GCNT2: variants seen among roughly 807,000 people sequenced by gnomAD.
GCNT2 encodes the protein N-acetyllactosaminide beta-1,6-N-acetylglucosaminyl-transferase.
In GCNT2, 34 loss-of-function variants were observed where a neutral mutation model predicts 34.2. That is an observed-to-expected ratio of 1.00 (90% CI 0.76 to 1.32). The LOEUF (loss-of-function observed/expected upper bound fraction) is 1.32, where lower values mean the gene tolerates loss of function less well. GCNT2 is among the 40% of genes most tolerant of loss of function. The probability of loss-of-function intolerance (pLI) is 0.00; values close to 1 mark genes in which losing one functional copy is unlikely to be tolerated. For synonymous variants in GCNT2, 212 were observed against 188.0 expected, an observed-to-expected ratio of 1.13 and a Z score of -1.04; for missense variants, 584 against 489.4, an observed-to-expected ratio of 1.19 and a Z score of -1.82.
In GCNT2 at chr6:10,532,473, A is replaced by G. The variant is rs554427547; in HGVS notation, c.925+2637A>G. Among the ~76,000 whole-genome samples the G allele has an allele frequency of 2.0e-5, 3 of 152,182 alleles. No individual in the cohort carries two copies. In the East Asian group the frequency reaches 5.8e-4, roughly 29 times the overall value. On this transcript the variant is annotated intron_variant, in intron 3 of 4. Coordinates refer to ENST00000495262, the MANE Select transcript of GCNT2 (RefSeq NM_145649.5). ...TTTTTTGGATCTCACTCTGTCATCC[A>G]GGCTGGAGTGCAGTGGCACAATCAC...
intron 2 of GCNT2, among the ~76,000 whole-genome samples, 162 bp downstream of exon 2, chr6:10,527,822 T>G (rs1439893745): frequency 1.3e-5 from 2 of 152,144 alleles, no homozygotes; most frequent in African/African-American, 4.8e-5. Flanking sequence ...GTTATCTCAT[T>G]TTATTCTCAC....
At position 10,556,366 on chromosome 6, in the gene GCNT2, T is replaced by A. The variant is rs1265957389; in HGVS notation, c.925+26530T>A. 1.9e-6 allele frequency: 3 copies of A among 1,609,648 alleles called. 1 individual carries two copies. In the African/African-American group the frequency reaches 4.0e-5, roughly 22 times the overall value. On this transcript the variant is annotated intron_variant, in intron 3 of 4. Transcript: ENST00000495262. ...TAAGAACTCAGAGAAACGAGTGAGT[T>A]TGGAAAAAAGACTTACAGATTTTGA...
intron 3 of GCNT2, chr6:10,530,240 C>G (rs990044625): frequency 5.5e-6 from 1 of 182,268 alleles, no homozygotes; most frequent in Non-Finnish European, 1.2e-5. Context: ...TGGTGCATGC[C>G]TGCAATCCCA....
chr6:10,605,470 A>G (rs1382614844), intron 3 of GCNT2, among the ~76,000 whole-genome samples: 1 of 151,564 alleles, frequency 6.6e-6, no homozygotes, highest in Non-Finnish European at 1.5e-5. Context: ...TTGGCCTCCC[A>G]AAGTGCTGGG....
At chr6:10,597,701 A>G (rs557358868) in intron 3 of GCNT2, among the ~76,000 whole-genome samples, 7 of 151,646 alleles carry the variant, frequency 4.6e-5, no homozygotes, top group East Asian at 1.9e-4. Context: ...GGCTCAAGCA[A>G]TCCTCTCACC....
At chr6:10,611,334 CTTT>C (rs200808872) in intron 3 of GCNT2, among the ~76,000 whole-genome samples, 12 of 136,438 alleles carry the variant, frequency 8.8e-5, no homozygotes, top group African/African-American at 1.3e-4. Context: ...TTCTTTCTTT[CTTT>C]TTTTTTTTTT....
intron 3 of GCNT2, chr6:10,573,368 G>C (rs971632123): frequency 2.3e-5 from 11 of 479,938 alleles, no homozygotes; most frequent in Non-Finnish European, 2.9e-5. Flanking sequence ...TGTTATCTTT[G>C]CTTGGGCATT....
In GCNT2 at chr6:10,529,791, T is replaced by TA. The variant is rs1400905925; in HGVS notation, c.881dup (p.Tyr294Ter). The TA allele has an allele frequency of 6.2e-7, 1 of 1,614,172 alleles. No individual in the cohort carries two copies. Among genetic ancestry groups the TA allele is most frequent in the Non-Finnish European group, 8.5e-7 (1 of 1,179,994 alleles). Residue 294 changes from tyrosine to a stop codon, truncating the protein, a stop_gained and frameshift_variant, in exon 3 of 5, where the codon TAC (tyrosine) becomes TAAC (stop). Transcript: ENST00000495262. LOFTEE classifies it high-confidence loss of function. ...LDLLSWSKDT[Y>*]SPDEHFWVTL... ...CTTACTCTCCTGGTCCAAGGACACCTACAGCCCCGACGAACATTTCTGGGT... is the reference window on the plus strand; with the variant it reads ...CTTACTCTCCTGGTCCAAGGACACCTAACAGCCCCGACGAACATTTCTGGGT...
intron 3 of GCNT2, chr6:10,556,089 C>T (rs1317278024): frequency 2.5e-6 from 3 of 1,209,350 alleles, no homozygotes; most frequent in Admixed American, 4.2e-5. Context: ...GAAACTAAAT[C>T]TGCCGGGGGA....
chr6:10,526,245 A>G (rs895210851), intron 1 of GCNT2, among the ~76,000 whole-genome samples: 5 of 152,220 alleles, frequency 3.3e-5, no homozygotes, highest in East Asian at 1.9e-4. Context: ...TGGGGGCCCT[A>G]TAGGCACAAC....
intron 3 of GCNT2, among the ~76,000 whole-genome samples, chr6:10,601,236 T>C (rs1765076259): frequency 6.6e-6 from 1 of 152,186 alleles, no homozygotes; most frequent in Admixed American, 6.5e-5. Context: ...GTAATATTAT[T>C]CATTTGGGGC....
chr6:10,524,251 CTTTTT>C (rs77144347), intron 1 of GCNT2, among the ~76,000 whole-genome samples: 7 of 131,596 alleles, frequency 5.3e-5, no homozygotes, highest in South Asian at 2.5e-4. Flanking sequence ...TAATCCAGGG[CTTTTT>C]TTTTTTTTTT....
intron 3 of GCNT2, among the ~76,000 whole-genome samples, chr6:10,604,177 G>A (rs966276964): frequency 1.2e-4 from 19 of 152,162 alleles, no homozygotes; most frequent in African/African-American, 4.6e-4. Flanking sequence ...GATTACAGAC[G>A]TGAGCCACCG....
chr6:10,604,875 AAAAG>A (rs150267198), intron 3 of GCNT2, among the ~76,000 whole-genome samples: 5 of 87,524 alleles, frequency 5.7e-5, no homozygotes, highest in East Asian at 9.9e-4. Context: ...AAGAAAAAGA[AAAAG>A]AAAGAAAAAT....
At chr6:10,530,063 C>G in intron 3 of GCNT2, 1 of 510,912 alleles carries the variant, frequency 2.0e-6, no homozygotes, top group Non-Finnish European at 3.5e-6. Flanking sequence ...GAACACTGGC[C>G]ATATAAATAA....
rs1000994518 is a variant in GCNT2 at position 10,626,424 on chromosome 6, T to G, written c.1026T>G (p.Tyr342Ter). The change falls in exon 5 of 5, where the codon TAT (tyrosine) becomes TAG (stop). Residue 342 changes from tyrosine (Y) to a stop codon, truncating the protein, a stop_gained. Coordinates refer to ENST00000495262, the MANE Select transcript of GCNT2 (RefSeq NM_145649.5). LOFTEE classifies it high-confidence loss of function. ...TTGTTCTTTCTTTTGCAGGCCACTA[T>G]GTACATGGTATTTGTATCTATGGAA... is the stretch of plus-strand genomic sequence containing the variant. The part of the protein sequence containing the change: ...EDRHGGCHGH[Y>*]VHGICIYGNG... 7 of 1,610,828 alleles carry G rather than the reference T, an allele frequency of 4.3e-6. No individual in the cohort carries two copies. The African/African-American group carries it at 6.7e-5, about 15-fold the overall frequency.
intron 3 of GCNT2, among the ~76,000 whole-genome samples, chr6:10,573,631 A>G (rs890825681): frequency 1.4e-4 from 22 of 152,234 alleles, no homozygotes; most frequent in Non-Finnish European, 2.6e-4. Flanking sequence ...AAGCTTTCTC[A>G]GGGACCCTTA....
rs1411883358 is a variant in GCNT2, at chr6:10,626,487, G to C, written c.1089G>C (p.Leu363=). ...AGTGGCTGGTTAATTCACCAAGCCTGTTTGCTAACAAGTTTGAGCTTAATA... is the reference window on the plus strand; with the variant it reads ...AGTGGCTGGTTAATTCACCAAGCCTCTTTGCTAACAAGTTTGAGCTTAATA... ...DLKWLVNSPS[L]FANKFELNTY... is the part of the protein sequence containing the mutation. Residue 363 remains leucine, a synonymous_variant, in exon 5 of 5, where the codon CTG becomes CTC. Coordinates refer to ENST00000495262, the MANE Select transcript of GCNT2 (RefSeq NM_145649.5). The C allele has an allele frequency of 6.2e-7, 1 of 1,613,454 alleles. No individual in the cohort carries two copies. The highest frequency in any genetic ancestry group is 1.1e-5 in the South Asian group (1 of 91,072).
intron 3 of GCNT2, among the ~76,000 whole-genome samples, chr6:10,558,482 C>T (rs1309636132): frequency 6.6e-6 from 1 of 152,084 alleles, no homozygotes; most frequent in Non-Finnish European, 1.5e-5. Flanking sequence ...GCTTTCTCAC[C>T]CGAATTTTCC....
Sources: allele counts gnomAD v4.1 joint callset (sites outside exome capture counted in the v4.1 genomes callset), GRCh38; gene constraint gnomAD v4.1.1; transcripts MANE v1.5; gene names NCBI Gene and HGNC (gene_info 2026-07-23, HGNC 2026-07-21).